LDAH: variants seen among roughly 807,000 people sequenced by gnomAD.
LDAH encodes the protein lipid droplet-associated hydrolase.
Under a neutral mutation model 29.6 loss-of-function variants are expected in LDAH, and 26 were observed. The ratio of observed to expected loss-of-function variants is 0.88; its 90% CI spans 0.64 to 1.22. The LOEUF is 1.22. Ranked by LOEUF, LDAH falls within the 50% of genes most tolerant of loss-of-function variation. The probability of loss-of-function intolerance (pLI) is 0.00; values close to 1 mark genes in which losing one functional copy is unlikely to be tolerated. For missense variants in LDAH, 344 were observed against 387.3 expected (o/e 0.89, Z 0.94); for synonymous variants, 117 against 133.0 (o/e 0.88, Z 0.83).
chr2:20,690,673 G>C (rs1662940315), intron 6 of LDAH, among the ~76,000 whole-genome samples: 1 of 152,144 alleles, frequency 6.6e-6, no homozygotes. Context: ...AGAAAGTATG[G>C]AGTGTGTGGT....
chr2:20,759,622 C>T (rs751934012), intron 4 of LDAH, among the ~76,000 whole-genome samples: 3 of 152,154 alleles, frequency 2.0e-5, no homozygotes, highest in Non-Finnish European at 4.4e-5. Flanking sequence ...TACTTCTCAT[C>T]TCCACAAACA....
chr2:20,762,779 A>C (rs1668779281), intron 4 of LDAH, among the ~76,000 whole-genome samples: 1 of 152,232 alleles, frequency 6.6e-6, no homozygotes, highest in Admixed American at 6.5e-5. Context: ...TAAGAAATTA[A>C]CCTAAGCTAA....
chr2:20,767,325 C>T (rs1318407016), intron 4 of LDAH, among the ~76,000 whole-genome samples: 1 of 150,610 alleles, frequency 6.6e-6, no homozygotes, highest in Non-Finnish European at 1.5e-5. Context: ...CTTGGAGAGG[C>T]CTGCTCCACT....
intron 5 of LDAH, among the ~76,000 whole-genome samples, chr2:20,716,164 T>A (rs145042658): frequency 1.3e-5 from 2 of 152,172 alleles, no homozygotes; most frequent in South Asian, 4.1e-4. Flanking sequence ...CGGAAGACAG[T>A]GTGGCAATTC....
chr2:20,801,952 GTGTGTA>G (rs1249444405), intron 1 of LDAH, among the ~76,000 whole-genome samples: 9 of 147,854 alleles, frequency 6.1e-5, no homozygotes, highest in African/African-American at 1.6e-4. Flanking sequence ...GTGTGTGTGT[GTGTGTA>G]TGTGTGTGTG....
chr2:20,696,131 C>T (rs752452370), intron 6 of LDAH, among the ~76,000 whole-genome samples: 3 of 152,206 alleles, frequency 2.0e-5, no homozygotes, highest in East Asian at 1.9e-4. Context: ...TAACACAATC[C>T]GTTTCAGAAT....
In LDAH at chr2:20,698,549, G is replaced by A. The variant is rs1018173760; in HGVS notation, c.786+3021C>T. On this transcript the variant is annotated intron_variant, in intron 6 of 6. Transcript: ENST00000237822. This position sits in a 1 kb window ranked among gnomAD's most constrained non-coding sequence, Gnocchi z 4.4. ...GTAAAAATTAGCTGGGTATGGTGGC[G>A]GGTACCTGTAATCCCAGCTACTCGG... 3.9e-5 allele frequency among the ~76,000 whole-genome samples: 6 copies of A among 152,120 alleles called. No homozygotes were observed. Among genetic ancestry groups the A allele is most frequent in the East Asian group, 3.9e-4 (2 of 5,164 alleles).
rs1460373053 is a variant in LDAH at position 20,817,951 on chromosome 2, TTAGGGA to T, written c.-3+5080_-3+5085del. 2.6e-5 allele frequency among the ~76,000 whole-genome samples: 4 copies of T among 152,066 alleles called. No homozygotes were observed. In the East Asian group the frequency reaches 7.7e-4, roughly 29 times the overall value. ...GAGATAGAGCAGTGGTTGCCACGGGTTAGGGATAGGGCTGGGACAAGATAGACTGAC... is the reference window on the plus strand; with the variant it reads ...GAGATAGAGCAGTGGTTGCCACGGGTTAGGGCTGGGACAAGATAGACTGAC... On this transcript the variant is annotated intron_variant, in intron 1 of 6. Transcript: ENST00000237822.
chr2:20,807,158 A>G (rs1672119505), intron 1 of LDAH, among the ~76,000 whole-genome samples: 1 of 152,104 alleles, frequency 6.6e-6, no homozygotes, highest in Non-Finnish European at 1.5e-5. Context: ...AATAAACTTG[A>G]CATGGGCAAA....
intron 5 of LDAH, among the ~76,000 whole-genome samples, chr2:20,722,147 G>A (rs368602289): frequency 2.6e-5 from 4 of 152,136 alleles, no homozygotes; most frequent in Non-Finnish European, 2.9e-5. Context: ...AGGCCTAGGC[G>A]GGCGGATCAC....
At chr2:20,795,297 G>A (rs1404397188) in intron 2 of LDAH, among the ~76,000 whole-genome samples, 1 of 152,138 alleles carries the variant, frequency 6.6e-6, no homozygotes, top group Non-Finnish European at 1.5e-5. Context: ...ATTTTGTAGG[G>A]AGAGGAACGA....
intron 5 of LDAH, among the ~76,000 whole-genome samples, chr2:20,736,942 C>T (rs1666832334): frequency 1.3e-5 from 2 of 152,188 alleles, no homozygotes; most frequent in Admixed American, 1.3e-4. Flanking sequence ...TAAATTTATA[C>T]ATTTTTCTTG....
intron 4 of LDAH, among the ~76,000 whole-genome samples, chr2:20,771,475 A>G (rs1194641262): frequency 6.6e-6 from 1 of 152,262 alleles, no homozygotes; most frequent in African/African-American, 2.4e-5. Flanking sequence ...ATTCTGGCTT[A>G]CACAAACATA....
chr2:20,803,479 T>C (rs1470306607), intron 1 of LDAH, among the ~76,000 whole-genome samples: 5 of 152,294 alleles, frequency 3.3e-5, no homozygotes, highest in African/African-American at 4.8e-5. Flanking sequence ...GTGCTCTAGA[T>C]TGCTACACAG....
chr2:20,687,678 T>C (rs1465314491), intron 6 of LDAH, among the ~76,000 whole-genome samples: 2 of 152,186 alleles, frequency 1.3e-5, no homozygotes, highest in Non-Finnish European at 2.9e-5. Flanking sequence ...CATACTTCAA[T>C]TGACAGCAAG....
chr2:20,806,326 G>A (rs561144021), intron 1 of LDAH, among the ~76,000 whole-genome samples: 3 of 152,158 alleles, frequency 2.0e-5, no homozygotes, highest in Admixed American at 2.0e-4. Context: ...CCATTCTGTG[G>A]ACTCTGTTAT....
intron 5 of LDAH, among the ~76,000 whole-genome samples, chr2:20,730,136 TAA>T (rs1489051047): frequency 6.6e-6 from 1 of 152,254 alleles, no homozygotes; most frequent in Non-Finnish European, 1.5e-5. Flanking sequence ...CTGTGTGTAT[TAA>T]AAGTCTGTTC....
intron 4 of LDAH, among the ~76,000 whole-genome samples, chr2:20,748,672 A>T (rs1396087738): frequency 6.6e-6 from 1 of 152,228 alleles, no homozygotes; most frequent in Non-Finnish European, 1.5e-5. Context: ...ATTTTGAATT[A>T]AACAGTGTTC....
At chr2:20,786,555 GT>G (rs1057376956) in intron 3 of LDAH, among the ~76,000 whole-genome samples, 3 of 150,938 alleles carry the variant, frequency 2.0e-5, no homozygotes, top group African/African-American at 4.9e-5. Flanking sequence ...TAATGTTCTT[GT>G]TTTTTTTTCC....
Sources: allele counts gnomAD v4.1 joint callset (sites outside exome capture counted in the v4.1 genomes callset), GRCh38; gene constraint gnomAD v4.1.1; non-coding constraint Gnocchi (gnomAD v3.1); transcripts MANE v1.5; gene names NCBI Gene and HGNC (gene_info 2026-07-23, HGNC 2026-07-21).